GARNL3: variants seen among roughly 807,000 people sequenced by gnomAD.
GARNL3 encodes the protein GTPase activating Rap/RanGAP domain like 3.
A neutral mutation model predicts 125.0 loss-of-function variants in GARNL3; 63 were observed. The observed-to-expected ratio is 0.50, with a 90% CI of 0.41 to 0.62. The LOEUF (loss-of-function observed/expected upper bound fraction) is 0.62, where lower values mean the gene tolerates loss of function less well. Ranked by LOEUF, GARNL3 falls within the 20% of genes least tolerant of loss-of-function variation. The pLI, the probability that GARNL3 is intolerant of heterozygous loss-of-function variation, is 0.00. For missense variants in GARNL3, 994 were observed against 1,244.0 expected (o/e 0.80, Z 3.02); for synonymous variants, 439 against 457.5 (o/e 0.96, Z 0.52).
At chr9:127,335,149 T>G (rs749010491) in intron 9 of GARNL3, 81 bp from the exon 10 acceptor site, 6 of 948,708 alleles carry the variant, frequency 6.3e-6, no homozygotes, top group Non-Finnish European at 8.6e-6. Flanking sequence ...GTATACAGTA[T>G]TTCCCTAGTC....
chr9:127,387,769 T>G (rs1248895216), intron 25 of GARNL3, among the ~76,000 whole-genome samples: 3 of 145,690 alleles, frequency 2.1e-5, no homozygotes, highest in Non-Finnish European at 4.5e-5. Context: ...AAGAAAGAAA[T>G]CTTGCAGTCT....
chr9:127,292,869 T>C (rs962091733), intron 2 of GARNL3, among the ~76,000 whole-genome samples: 2 of 152,220 alleles, frequency 1.3e-5, no homozygotes, highest in African/African-American at 4.8e-5. Flanking sequence ...ATCATGGCCC[T>C]ACAACTCACC....
At chr9:127,380,967 C>G (rs1832221484) in intron 22 of GARNL3, among the ~76,000 whole-genome samples, 1 of 152,162 alleles carries the variant, frequency 6.6e-6, no homozygotes, top group Admixed American at 6.5e-5. Flanking sequence ...CAACCTCTAC[C>G]CCCCGGGTTC....
intron 1 of GARNL3, among the ~76,000 whole-genome samples, chr9:127,269,904 C>T (rs2063784759): frequency 6.6e-6 from 1 of 151,540 alleles, no homozygotes; most frequent in African/African-American, 2.4e-5. Flanking sequence ...ACTCTGTTGA[C>T]AGTGCCTTTA....
chr9:127,262,098 CTG>C (rs1222264738), upstream of GARNL3, among the ~76,000 whole-genome samples: 20 of 152,200 alleles, frequency 1.3e-4, no homozygotes, highest in African/African-American at 4.8e-4. Flanking sequence ...TTTCCAGCCT[CTG>C]AGATCCATTT....
At chr9:127,360,073 T>G (rs1189626892) in intron 21 of GARNL3, among the ~76,000 whole-genome samples, 2 of 152,092 alleles carry the variant, frequency 1.3e-5, no homozygotes, top group Non-Finnish European at 2.9e-5. Flanking sequence ...CAGGCTGGAG[T>G]GCAGTGGCGC....
At position 127,266,647 on chromosome 9, in the gene GARNL3, A is replaced by G. The variant is rs140323566; in HGVS notation, c.144+1626A>G. ...TGGGGATATTTCTGTTATCTACCTTAGAGGGTTGTTATGAGGATTAAATGA... is the reference window on the plus strand; with the variant it reads ...TGGGGATATTTCTGTTATCTACCTTGGAGGGTTGTTATGAGGATTAAATGA... On this transcript the variant is annotated intron_variant, in intron 1 of 27. Transcript: ENST00000373387. The surrounding 1 kb of genome is among the most constrained non-coding windows in gnomAD (Gnocchi z 4.0). Among the ~76,000 whole-genome samples the G allele has an allele frequency of 2.8e-4, 43 of 152,294 alleles. No individual in the cohort carries two copies. The highest frequency in any genetic ancestry group is 9.6e-4 in the African/African-American group (40 of 41,554).
chr9:127,240,422 C>T (rs1005689547), intron 1 of GARNL3, among the ~76,000 whole-genome samples: 1 of 152,186 alleles, frequency 6.6e-6, no homozygotes, highest in Non-Finnish European at 1.5e-5. Context: ...TGGGCCTTTA[C>T]ATCACCCCAT....
At chr9:127,319,496 A>G (rs879712914) in intron 5 of GARNL3, among the ~76,000 whole-genome samples, 1 of 152,112 alleles carries the variant, frequency 6.6e-6, no homozygotes, top group Non-Finnish European at 1.5e-5. Context: ...AAATAAAAAA[A>G]AAAGGAACCA....
At chr9:127,342,406 G>A in intron 14 of GARNL3, 72 bp downstream of exon 14, 13 of 997,746 alleles carry the variant, frequency 1.3e-5, no homozygotes, top group East Asian at 4.8e-5. Context: ...TCAACTCAGC[G>A]ATGAGGCCCT....
At chr9:127,269,695 A>T (rs538894804) in intron 1 of GARNL3, among the ~76,000 whole-genome samples, 1 of 150,802 alleles carries the variant, frequency 6.6e-6, no homozygotes, top group Non-Finnish European at 1.5e-5. Context: ...TCATGTGCTT[A>T]TTGGCCATTT....
chr9:127,306,324 T>TTA (rs2064951856), intron 2 of GARNL3, among the ~76,000 whole-genome samples: 1 of 152,226 alleles, frequency 6.6e-6, no homozygotes, highest in Non-Finnish European at 1.5e-5. Context: ...GGCTCACGCC[T>TTA]GTAATCCCAG....
intron 1 of GARNL3, among the ~76,000 whole-genome samples, chr9:127,226,442 G>A (rs1310990693): frequency 6.6e-6 from 1 of 152,222 alleles, no homozygotes; most frequent in Non-Finnish European, 1.5e-5. Context: ...GCAGAGAACA[G>A]AGCTGTCCTG....
intron 2 of GARNL3, among the ~76,000 whole-genome samples, chr9:127,307,164 G>A (rs1404371973): frequency 3.3e-5 from 5 of 151,768 alleles, no homozygotes; most frequent in Non-Finnish European, 7.4e-5. Flanking sequence ...TATTTGTTTT[G>A]CCCCATCCAA....
chr9:127,383,683 G>T (rs530441325), intron 23 of GARNL3, 138 bp downstream of exon 23: 1 of 546,396 alleles, frequency 1.8e-6, no homozygotes, highest in Non-Finnish European at 3.2e-6. Context: ...TATTCACAGC[G>T]TTCTTTTTCT....
At chr9:127,348,735 C>T (rs544680001) in intron 16 of GARNL3, among the ~76,000 whole-genome samples, 189 bp from the exon 17 acceptor site, 1 of 152,192 alleles carries the variant, frequency 6.6e-6, no homozygotes, top group Non-Finnish European at 1.5e-5. Context: ...CTATTGCATA[C>T]GTATTTGAAA....
At chr9:127,381,372 T>A (rs958418082) in intron 22 of GARNL3, among the ~76,000 whole-genome samples, 1 of 151,630 alleles carries the variant, frequency 6.6e-6, no homozygotes, top group South Asian at 2.1e-4. Flanking sequence ...CATTTTTTAT[T>A]CCTTTTTTTT....
Position 127,342,204 on chromosome 9 carries a change from CTTGAT to C in GARNL3, c.1136-12_1136-8del. 1 of 1,472,234 alleles carries C rather than the reference CTTGAT, an allele frequency of 6.8e-7. No homozygotes were observed. The highest frequency in any genetic ancestry group is 1.7e-4 in the Middle Eastern group (1 of 5,752). The allele number at this position is 1,472,234 out of a possible 1,614,324, so 91.2% of individuals were successfully genotyped here. A position where few individuals can be genotyped will look rare whatever the true frequency, so the allele number is the denominator to read the frequency against. On this transcript the variant is annotated splice_polypyrimidine_tract_variant and intron_variant, in intron 13 of 27. Coordinates refer to ENST00000373387, the MANE Select transcript of GARNL3 (RefSeq NM_032293.5). ...AGATATCTTGTAATTCCCTTTTTAA[CTTGAT>C]TTATTTTAGTAATTAATGGTGAAAA...
At position 127,336,139 on chromosome 9, in the gene GARNL3, A is replaced by T; in HGVS notation, c.885A>T (p.Lys295Asn). Residue 295 changes from lysine to asparagine, a missense_variant, in exon 11 of 28, where the codon AAA becomes AAT. By Grantham distance (94) the Lys-to-Asn change is moderately conservative. This residue lies in a region of GARNL3 where 19 missense variants were observed against 46.4 expected (regional missense o/e 0.41). Transcript: ENST00000373387. ...TATGCTCACTACAGGTGGAAAGGAA[A>T]CGCCACATTGGAAACGATATCGTCA... is the stretch of plus-strand genomic sequence containing the variant. ...SKENKQQVER[K>N]RHIGNDIVTI... 6.2e-7 allele frequency: 1 copy of T among 1,613,406 alleles called. No homozygotes were observed. Among genetic ancestry groups the T allele is most frequent in the Non-Finnish European group, 8.5e-7 (1 of 1,179,404 alleles).
Sources: allele counts gnomAD v4.1 joint callset (sites outside exome capture counted in the v4.1 genomes callset), GRCh38; gene constraint gnomAD v4.1.1; regional missense constraint gnomAD v4.1.1; non-coding constraint Gnocchi (gnomAD v3.1); transcripts MANE v1.5; gene names NCBI Gene and HGNC (gene_info 2026-07-23, HGNC 2026-07-21).